PCDHGB1: variants seen among roughly 807,000 people sequenced by gnomAD.
PCDHGB1 encodes protocadherin gamma-B1.
Under a neutral mutation model 56.6 loss-of-function variants are expected in PCDHGB1, and 34 were observed. That is an observed-to-expected ratio of 0.60 (90% CI 0.46 to 0.80). PCDHGB1 has a LOEUF of 0.80. Among genes scored for constraint, PCDHGB1 ranks in the 30% least tolerant of loss-of-function variants. PCDHGB1 has a pLI of 0.00. For synonymous variants in PCDHGB1, 561 were observed against 505.9 expected, an observed-to-expected ratio of 1.11 and a Z score of -1.46; for missense variants, 1,278 against 1,204.6, an observed-to-expected ratio of 1.06 and a Z score of -0.90.
intron 1 of PCDHGB1, among the ~76,000 whole-genome samples, chr5:141,452,350 A>G (rs1355934993): frequency 6.6e-6 from 1 of 152,212 alleles, no homozygotes; most frequent in Admixed American, 6.5e-5. Context: ...CCATTTATCC[A>G]AAAGCCTTGC....
intron 1 of PCDHGB1, chr5:141,359,990 C>T: frequency 3.0e-6 from 3 of 999,456 alleles, no homozygotes; most frequent in Non-Finnish European, 4.1e-6. Context: ...TAGAGGGGAA[C>T]TTCCTGCACA....
chr5:141,407,355 A>C (rs991392072), intron 1 of PCDHGB1, among the ~76,000 whole-genome samples: 8 of 152,198 alleles, frequency 5.3e-5, no homozygotes, highest in Non-Finnish European at 1.0e-4. Context: ...TTTGGGGAAA[A>C]CATAACAGAT....
intron 1 of PCDHGB1, chr5:141,356,820 T>C: frequency 1.2e-6 from 2 of 1,614,068 alleles, no homozygotes; most frequent in South Asian, 2.2e-5. Flanking sequence ...GTGGAGACCC[T>C]CCACTCAGCA....
chr5:141,395,218 A>G, intron 1 of PCDHGB1: 2 of 1,612,142 alleles, frequency 1.2e-6, no homozygotes, highest in Non-Finnish European at 1.7e-6. Flanking sequence ...GAATATAAGA[A>G]TGAAGCTGAT....
In PCDHGB1 at chr5:141,477,247, T is replaced by C; in HGVS notation, c.2410-17560T>C. On this transcript the variant is annotated intron_variant, in intron 1 of 3. Transcript: ENST00000523390. This position sits in a 1 kb window ranked among gnomAD's most constrained non-coding sequence, Gnocchi z 4.9. ...CTGTCATCGCTTTGCTCAGTGTGAC[T>C]GACCTGGATGCTGGCGAGAACGGGC... The C allele has an allele frequency of 6.2e-7, 1 of 1,614,208 alleles. No individual in the cohort carries two copies. Among genetic ancestry groups the C allele is most frequent in the Non-Finnish European group, 8.5e-7 (1 of 1,180,040 alleles).
chr5:141,374,644 T>C (rs767129187), intron 1 of PCDHGB1: 85 of 1,612,642 alleles, frequency 5.3e-5, no homozygotes, highest in Middle Eastern at 3.3e-4. Context: ...GCGAAGCCCA[T>C]GGGCCCAAGT....
intron 1 of PCDHGB1, chr5:141,366,784 A>C (rs749444374): frequency 6.3e-7 from 1 of 1,579,152 alleles, no homozygotes; most frequent in Non-Finnish European, 8.6e-7. Context: ...GATGACCAGA[A>C]CATTTTCATT....
rs369141362 is a variant in PCDHGB1 at position 141,404,800 on chromosome 5, C to T, written c.2409+52131C>T. The T allele has an allele frequency of 1.8e-5, 29 of 1,613,852 alleles. No homozygotes were observed. The Admixed American group carries it at 3.3e-4, about 19-fold the overall frequency. On this transcript the variant is annotated intron_variant, in intron 1 of 3. Transcript: ENST00000523390. ...TATTCAAGGCCAGTGAGCCAGGGCT[C>T]TTCTCGGTGGGGCTGCACACAGGTG... is the stretch of plus-strand genomic sequence containing the variant.
chr5:141,384,962 A>G (rs1303034041), intron 1 of PCDHGB1: 1 of 1,613,130 alleles, frequency 6.2e-7, no homozygotes, highest in East Asian at 2.2e-5. Flanking sequence ...TACAACTATG[A>G]CCTCACGTTG....
Position 141,350,252 on chromosome 5 carries a change from G to A in PCDHGB1, c.-9G>A. Reference sequence around the variant, plus strand: ...CCAGAGGAAAGAAGCTCCGCGGAGAGTTCCTGAAATGCAGAGAGCCAGAGA... The same window carrying A: ...CCAGAGGAAAGAAGCTCCGCGGAGAATTCCTGAAATGCAGAGAGCCAGAGA... On this transcript the variant is annotated 5_prime_UTR_variant, in exon 1 of 4. Transcript: ENST00000523390. 6.6e-7 allele frequency: 1 copy of A among 1,509,234 alleles called. No homozygotes were observed. Among genetic ancestry groups the A allele is most frequent in the Non-Finnish European group, 8.8e-7 (1 of 1,130,892 alleles). The allele number at this position is 1,509,234 out of a possible 1,614,324, so 93.5% of individuals were successfully genotyped here.
intron 1 of PCDHGB1, among the ~76,000 whole-genome samples, chr5:141,488,434 C>T (rs1231743982): frequency 2.6e-5 from 4 of 152,166 alleles, no homozygotes; most frequent in African/African-American, 7.2e-5. Flanking sequence ...TGGCCTCTGA[C>T]CACCCTCCTG....
chr5:141,372,523 CA>C, intron 1 of PCDHGB1: 10 of 1,614,018 alleles, frequency 6.2e-6, no homozygotes, highest in Non-Finnish European at 8.5e-6. Flanking sequence ...GTGATTCTGG[CA>C]ATCTCCCTGC....
rs1251686604 is a variant in PCDHGB1 at position 141,485,257 on chromosome 5, T to C, written c.2410-9550T>C. ...TCTTTTACCACCTGGGTTACGTTTG[T>C]GGGCAGATCCGCTACCCGGTCCCAG... is the stretch of plus-strand genomic sequence containing the variant. On this transcript the variant is annotated intron_variant, in intron 1 of 3. Coordinates refer to ENST00000523390, the MANE Select transcript of PCDHGB1 (RefSeq NM_018922.3). This position sits in a 1 kb window ranked among gnomAD's most constrained non-coding sequence, Gnocchi z 5.7. The C allele has an allele frequency of 6.2e-7, 1 of 1,614,154 alleles. No homozygotes were observed.
intron 1 of PCDHGB1, among the ~76,000 whole-genome samples, chr5:141,460,764 G>A (rs2098996981): frequency 6.6e-6 from 1 of 150,516 alleles, no homozygotes; most frequent in Admixed American, 6.7e-5. Flanking sequence ...TATACATATT[G>A]CATATGTATG....
chr5:141,439,013 A>T lies in PCDHGB1; in HGVS notation c.2410-55794A>T, dbSNP rs2098082221. 1.3e-5 allele frequency among the ~76,000 whole-genome samples: 2 copies of T among 151,700 alleles called. 1 individual carries two copies. The highest frequency in any genetic ancestry group is 1.3e-4 in the Admixed American group (2 of 15,214). On this transcript the variant is annotated intron_variant, in intron 1 of 3. Transcript: ENST00000523390. ...GGCTAAGGACCTGGTTTGTTTGTCA[A>T]ATTTTGAAAATAGATGCCTCAGTTC...
intron 1 of PCDHGB1, chr5:141,414,518 A>G (rs746198767): frequency 1.9e-6 from 3 of 1,614,000 alleles, no homozygotes; most frequent in Non-Finnish European, 2.5e-6. Flanking sequence ...CAAGTGGCAG[A>G]TATCAATGAC....
intron 1 of PCDHGB1, chr5:141,389,575 C>T: frequency 1.2e-6 from 2 of 1,613,242 alleles, no homozygotes; most frequent in African/African-American, 1.3e-5. Context: ...CTGTACCCCG[C>T]GCTGGGTCCC....
At chr5:141,465,457 C>G (rs956070103) in intron 1 of PCDHGB1, among the ~76,000 whole-genome samples, 1 of 152,214 alleles carries the variant, frequency 6.6e-6, no homozygotes, top group Non-Finnish European at 1.5e-5. Context: ...AAAACTCTCA[C>G]CAAATTGCCC....
intron 1 of PCDHGB1, chr5:141,419,971 C>T (rs1254783575): frequency 1.2e-6 from 2 of 1,613,942 alleles, no homozygotes; most frequent in African/African-American, 2.7e-5. Context: ...TGCTCTTTCT[C>T]CTCGCGGTGA....
Sources: gnomAD v4.1 joint callset for allele counts (sites outside exome capture counted in the v4.1 genomes callset) on GRCh38, gnomAD v4.1.1 for gene constraint, Gnocchi (gnomAD v3.1) non-coding constraint, MANE v1.5 for transcripts, NCBI Gene and HGNC (gene_info 2026-07-23, HGNC 2026-07-21) for gene names.